CACNG2: variants seen among roughly 807,000 people sequenced by gnomAD.
CACNG2 encodes voltage-dependent calcium channel gamma-2 subunit.
Under a neutral mutation model 25.9 loss-of-function variants are expected in CACNG2, and 3 were observed. The observed-to-expected ratio is 0.12, with a 90% CI of 0.05 to 0.30. The LOEUF (loss-of-function observed/expected upper bound fraction) is 0.30. Ranked by LOEUF, CACNG2 falls within the 10% of genes least tolerant of loss-of-function variation. The pLI is 1.00. For synonymous variants in CACNG2, 167 were observed against 173.3 expected, an observed-to-expected ratio of 0.96 and a Z score of 0.29; for missense variants, 341 against 432.5, an observed-to-expected ratio of 0.79 and a Z score of 1.88.
chr22:36,638,219 A>T (rs1936387953), intron 1 of CACNG2, among the ~76,000 whole-genome samples: 1 of 152,158 alleles, frequency 6.6e-6, no homozygotes, highest in African/African-American at 2.4e-5. Flanking sequence ...TGCACTGGCC[A>T]GTCTTTCTGC....
chr22:36,674,081 C>T (rs1401707392), intron 1 of CACNG2, among the ~76,000 whole-genome samples: 1 of 152,188 alleles, frequency 6.6e-6, no homozygotes, highest in East Asian at 1.9e-4. Flanking sequence ...CCAAGTCAGC[C>T]CTGGCCATTG....
chr22:36,582,407 TTTC>T (rs1278919264), intron 2 of CACNG2, among the ~76,000 whole-genome samples: 225 of 82,500 alleles, frequency 2.7e-3, no homozygotes, highest in African/African-American at 7.8e-3. Context: ...TCTTTCTTTC[TTTC>T]TTTTTTTTTT....
At chr22:36,650,313 A>G (rs1025337195) in intron 1 of CACNG2, among the ~76,000 whole-genome samples, 2 of 151,798 alleles carry the variant, frequency 1.3e-5, no homozygotes, top group Non-Finnish European at 2.9e-5. Context: ...TAGTCTCATT[A>G]TCTACTCCTT....
chr22:36,692,456 A>T (rs1056282615), intron 1 of CACNG2, among the ~76,000 whole-genome samples: 1 of 152,222 alleles, frequency 6.6e-6, no homozygotes, highest in Non-Finnish European at 1.5e-5. Flanking sequence ...CCCAGCAGGC[A>T]GTGACTTATC....
intron 2 of CACNG2, among the ~76,000 whole-genome samples, chr22:36,583,328 G>A (rs1199481469): frequency 6.6e-6 from 1 of 151,950 alleles, no homozygotes; most frequent in African/African-American, 2.4e-5. Flanking sequence ...AGCTACTCAG[G>A]AGGCTGAGGC....
intron 1 of CACNG2, among the ~76,000 whole-genome samples, chr22:36,594,670 C>CGTG (rs1935645600): frequency 6.6e-6 from 1 of 151,506 alleles, no homozygotes; most frequent in Non-Finnish European, 1.5e-5. Context: ...GGGAGGGGTC[C>CGTG]GTGTATGCCC....
At chr22:36,634,184 C>T (rs527625873) in intron 1 of CACNG2, among the ~76,000 whole-genome samples, 2 of 152,324 alleles carry the variant, frequency 1.3e-5, no homozygotes, top group South Asian at 2.1e-4. Flanking sequence ...GCTGTTTTCC[C>T]TATAGTCTAG....
intron 1 of CACNG2, among the ~76,000 whole-genome samples, chr22:36,667,152 G>C (rs572720282): frequency 6.6e-6 from 1 of 152,242 alleles, no homozygotes; most frequent in Non-Finnish European, 1.5e-5. Context: ...ATGACCCGTG[G>C]CTAAGACGGG....
intron 1 of CACNG2, among the ~76,000 whole-genome samples, chr22:36,610,216 C>T (rs1481036064): frequency 6.7e-6 from 1 of 149,712 alleles, no homozygotes; most frequent in African/African-American, 2.5e-5. Context: ...CCCCTTAGAG[C>T]GTGATTGGGC....
chr22:36,633,525 G>A (rs915689379), intron 1 of CACNG2, among the ~76,000 whole-genome samples: 1 of 152,100 alleles, frequency 6.6e-6, no homozygotes, highest in African/African-American at 2.4e-5. Flanking sequence ...GATGCTCAAG[G>A]GCTTCAGGAT....
At position 36,563,661 on chromosome 22, in the gene CACNG2, C is replaced by A. The variant is rs375060504; in HGVS notation, c.*690G>T. 4.6e-5 allele frequency among the ~76,000 whole-genome samples: 7 copies of A among 152,130 alleles called. No individual in the cohort carries two copies. Among genetic ancestry groups the A allele is most frequent in the East Asian group, 3.9e-4 (2 of 5,172 alleles). ...CTACGATTGCCCCATCAATGCTGGG[C>A]GGAGCCGGCTCGAGCTCTGAGCCTT... On this transcript the variant is annotated 3_prime_UTR_variant, in exon 4 of 4. Coordinates refer to ENST00000300105, the MANE Select transcript of CACNG2 (RefSeq NM_006078.5).
chr22:36,659,817 G>A lies in CACNG2; in HGVS notation c.211+42549C>T, dbSNP rs961982463. Among the ~76,000 whole-genome samples, 12 of 152,192 alleles carry A rather than the reference G, an allele frequency of 7.9e-5. No homozygotes were observed. The East Asian group carries it at 1.4e-3, about 17-fold the overall frequency. On this transcript the variant is annotated intron_variant, in intron 1 of 3. Coordinates refer to ENST00000300105, the MANE Select transcript of CACNG2 (RefSeq NM_006078.5). The stretch of plus-strand genomic sequence containing the variant: ...CAGATGGAACACCTTGAATATCTGC[G>A]CGGCCCCTCCCCCAGCCTGCCACCC...
At chr22:36,636,582 T>C (rs1159311394) in intron 1 of CACNG2, among the ~76,000 whole-genome samples, 2 of 152,222 alleles carry the variant, frequency 1.3e-5, no homozygotes, top group Non-Finnish European at 1.5e-5. Context: ...AGATCTGATA[T>C]TGAATTTGAA....
chr22:36,569,445 C>G (rs1569489), intron 2 of CACNG2, among the ~76,000 whole-genome samples: 84,462 of 152,056 alleles, frequency 0.56, 26,070 homozygotes, highest in African/African-American at 0.83. Context: ...TTGGGTCCCA[C>G]CTGTGCCACT....
chr22:36,678,620 A>G (rs189062680), intron 1 of CACNG2, among the ~76,000 whole-genome samples: 60 of 144,750 alleles, frequency 4.1e-4, no homozygotes, highest in East Asian at 3.0e-3. Flanking sequence ...AGCACATGCG[A>G]TAACATTCCC....
At chr22:36,669,265 G>A (rs1156806916) in intron 1 of CACNG2, among the ~76,000 whole-genome samples, 1 of 152,036 alleles carries the variant, frequency 6.6e-6, no homozygotes, top group South Asian at 2.1e-4. Context: ...ACTTTGGGAG[G>A]CTGAGGTGGG....
intron 1 of CACNG2, among the ~76,000 whole-genome samples, chr22:36,682,210 G>T (rs542206053): frequency 6.6e-6 from 1 of 152,226 alleles, no homozygotes; most frequent in Non-Finnish European, 1.5e-5. Flanking sequence ...CCTTGCAGGA[G>T]TGAAGCCAGT....
At chr22:36,595,757 G>T (rs1935669419) in intron 1 of CACNG2, among the ~76,000 whole-genome samples, 1 of 152,144 alleles carries the variant, frequency 6.6e-6, no homozygotes, top group Non-Finnish European at 1.5e-5. Flanking sequence ...TTCAGCTAAG[G>T]GGCTCAACAA....
intron 1 of CACNG2, among the ~76,000 whole-genome samples, chr22:36,626,068 C>T (rs1253488628): frequency 3.3e-5 from 5 of 152,058 alleles, no homozygotes; most frequent in East Asian, 1.9e-4. Context: ...TACAGGTGCC[C>T]GCCACCATGC....
Sources: allele counts gnomAD v4.1 joint callset (sites outside exome capture counted in the v4.1 genomes callset), GRCh38; gene constraint gnomAD v4.1.1; transcripts MANE v1.5; gene names NCBI Gene and HGNC (gene_info 2026-07-23, HGNC 2026-07-21).